TMEM116: variants seen among roughly 807,000 people sequenced by gnomAD.
TMEM116 encodes transmembrane protein 116.
In TMEM116, 38 loss-of-function variants were observed where a neutral mutation model predicts 44.3. That is an observed-to-expected ratio of 0.86 (90% CI 0.66 to 1.12). The LOEUF is 1.12. Ranked by LOEUF, TMEM116 falls within the 50% of genes most tolerant of loss-of-function variation. The pLI, the probability that TMEM116 is intolerant of heterozygous loss-of-function variation, is 0.00. For missense variants in TMEM116, 354 were observed against 401.7 expected (o/e 0.88, Z 1.01); for synonymous variants, 132 against 144.8 (o/e 0.91, Z 0.64).
intron 4 of TMEM116, among the ~76,000 whole-genome samples, chr12:111,988,610 A>T (rs931352590): frequency 6.6e-6 from 1 of 150,898 alleles, no homozygotes; most frequent in Non-Finnish European, 1.5e-5. Context: ...GAGGCAGGGG[A>T]ATCGCTTGAA....
rs147006633 is a variant in TMEM116 at position 111,988,257 on chromosome 12, A to G, written c.210+3501T>C. Among the ~76,000 whole-genome samples, 415 of 152,340 alleles carry G rather than the reference A, an allele frequency of 2.7e-3. 1 individual carries two copies. Among genetic ancestry groups the G allele is most frequent in the Non-Finnish European group, 3.8e-3 (259 of 68,032 alleles). Reference sequence around the variant, plus strand: ...GGAGATGGACTGTGGTTATAGTTGTATAACAAGGTGAATGTTTAATATCAC... The same window carrying G: ...GGAGATGGACTGTGGTTATAGTTGTGTAACAAGGTGAATGTTTAATATCAC... On this transcript the variant is annotated intron_variant, in intron 4 of 10. Coordinates refer to ENST00000552374, the MANE Select transcript of TMEM116 (RefSeq NM_001193531.2).
At position 111,970,613 on chromosome 12, in the gene TMEM116, G is replaced by C. The variant is rs191774131; in HGVS notation, c.210+21145C>G. ...TTTTTTTTTTTTTTTTTGAGACGGAGTCTCGCTCTGTCACCCAGGCTGGAG... is the reference window on the plus strand; with the variant it reads ...TTTTTTTTTTTTTTTTTGAGACGGACTCTCGCTCTGTCACCCAGGCTGGAG... On this transcript the variant is annotated intron_variant, in intron 4 of 10. Transcript: ENST00000552374. 1.8e-3 allele frequency among the ~76,000 whole-genome samples: 268 copies of C among 145,700 alleles called. 2 individuals carry two copies. The highest frequency in any genetic ancestry group is 6.5e-3 in the African/African-American group (255 of 39,060).
At chr12:111,945,340 T>C (rs1221797566) in intron 4 of TMEM116, among the ~76,000 whole-genome samples, 1 of 70,314 alleles carries the variant, frequency 1.4e-5, no homozygotes. Context: ...CTAGACTCCA[T>C]CTCAAAAAAA....
intron 3 of TMEM116, chr12:111,993,234 G>A (rs948480582): frequency 4.6e-6 from 2 of 430,652 alleles, no homozygotes; most frequent in Non-Finnish European, 9.4e-6. Context: ...ACACACTGCG[G>A]TCATTCCCCT....
At chr12:111,999,198 C>G (rs1226253134) in intron 3 of TMEM116, among the ~76,000 whole-genome samples, 1 of 151,674 alleles carries the variant, frequency 6.6e-6, no homozygotes, top group Non-Finnish European at 1.5e-5. Context: ...TAAAAAAAAA[C>G]CCACATATAT....
chr12:111,932,694 C>T (rs750241410), intron 9 of TMEM116, 35 bp from the exon 10 acceptor site: 1 of 1,559,856 alleles, frequency 6.4e-7, no homozygotes, highest in Non-Finnish European at 8.8e-7. Context: ...TTCTTGTCAG[C>T]CCTGACTGTC....
At chr12:111,990,577 A>G (rs1264098427) in intron 4 of TMEM116, among the ~76,000 whole-genome samples, 1 of 152,234 alleles carries the variant, frequency 6.6e-6, no homozygotes, top group Non-Finnish European at 1.5e-5. Context: ...ATTACATATT[A>G]TTAATTTCTT....
intron 4 of TMEM116, chr12:111,978,748 C>A (rs982190395): frequency 2.2e-6 from 1 of 444,514 alleles, no homozygotes; most frequent in Admixed American, 2.4e-5. Flanking sequence ...GACACCAGAT[C>A]TGCTGATTAT....
rs2072190635 is a variant in TMEM116 at position 111,936,712 on chromosome 12, G to T, written c.568C>A (p.Leu190Ile). Residue 190 changes from leucine to isoleucine, a missense_variant, in exon 8 of 11, where the codon CTC (leucine) becomes ATC (isoleucine). By Grantham distance (5) the Leu-to-Ile change is conservative. Transcript: ENST00000552374. ...GIAIFLGSFVLSLLTIMVLLI... is the reference protein window; with the variant it reads ...GIAIFLGSFVISLLTIMVLLI... The stretch of plus-strand genomic sequence containing the variant: ...CATACCATAATGGTAAGGAGGCTGA[G>T]TACAAAGCTGCCCAGGAAAATGGCG... 6.2e-7 allele frequency: 1 copy of T among 1,613,940 alleles called. No individual in the cohort carries two copies.
chr12:111,940,976 T>G (rs758181551), intron 5 of TMEM116, among the ~76,000 whole-genome samples: 6 of 152,232 alleles, frequency 3.9e-5, no homozygotes, highest in Non-Finnish European at 8.8e-5. Flanking sequence ...GGAAAGATAC[T>G]GAATAATTAT....
chr12:111,957,608 G>A (rs868279950), intron 4 of TMEM116, among the ~76,000 whole-genome samples: 5 of 149,744 alleles, frequency 3.3e-5, no homozygotes, highest in African/African-American at 4.9e-5. Flanking sequence ...CAGCCGCCCC[G>A]TCCGGGAGGT....
At chr12:111,957,694 G>A (rs894289853) in intron 4 of TMEM116, among the ~76,000 whole-genome samples, 1 of 151,916 alleles carries the variant, frequency 6.6e-6, no homozygotes, top group South Asian at 2.1e-4. Context: ...CGTCTGGGAG[G>A]TGGGGGGGCC....
chr12:111,960,097 G>A (rs2074465723), intron 4 of TMEM116, among the ~76,000 whole-genome samples: 1 of 152,060 alleles, frequency 6.6e-6, no homozygotes, highest in Non-Finnish European at 1.5e-5. Context: ...CATATAATTG[G>A]AAATAAAACA....
chr12:112,001,835 C>T (rs996153693), intron 3 of TMEM116, among the ~76,000 whole-genome samples: 1 of 152,224 alleles, frequency 6.6e-6, no homozygotes, highest in Non-Finnish European at 1.5e-5. Flanking sequence ...TACACAGTCA[C>T]AATCTACCAC....
chr12:111,940,550 C>CATATATGTGTAT (rs1565874405), intron 5 of TMEM116, among the ~76,000 whole-genome samples: 26 of 127,686 alleles, frequency 2.0e-4, no homozygotes, highest in African/African-American at 7.6e-4. Context: ...TATATACACA[C>CATATATGTGTAT]ACACATATAT....
rs932255223 is a variant in TMEM116 at position 111,963,674 on chromosome 12, G to C, written c.211-20305C>G. ...CACACCAGGGCCTGTCAGGGGGTTG[G>C]GGGCTAGGGGAGGGATAGCATTAGG... is the stretch of plus-strand genomic sequence containing the variant. On this transcript the variant is annotated intron_variant, in intron 4 of 10. Transcript: ENST00000552374. 3.3e-5 allele frequency among the ~76,000 whole-genome samples: 5 copies of C among 152,250 alleles called. No homozygotes were observed. In the South Asian group the frequency reaches 1.0e-3, roughly 32 times the overall value.
Position 111,991,823 on chromosome 12 carries a change from G to C in TMEM116, c.145C>G (p.Leu49Val). Residue 49 changes from leucine (L) to valine (V), a missense_variant, in exon 4 of 11, where the codon CTT becomes GTT. Physicochemically the swap from Leu to Val is conservative, Grantham distance 32. Transcript: ENST00000552374. ...LLGLCWLTETLLYGASVANKD... is the reference protein window; with the variant it reads ...LLGLCWLTETVLYGASVANKD... ...TTTGCTACTGAAGCTCCATAGAGAA[G>C]TGTCTCCGTGAGCCAGCAAAGTCCC... 2 of 1,536,076 alleles carry C rather than the reference G, an allele frequency of 1.3e-6. No individual in the cohort carries two copies. Among genetic ancestry groups the C allele is most frequent in the Non-Finnish European group, 1.7e-6 (2 of 1,146,726 alleles).
intron 9 of TMEM116, among the ~76,000 whole-genome samples, chr12:111,933,441 G>A (rs1411098901): frequency 2.0e-5 from 3 of 151,576 alleles, no homozygotes; most frequent in South Asian, 2.1e-4. Context: ...AATATGGGTA[G>A]GGCCCATACA....
rs1029620242 is a variant in TMEM116, at chr12:112,003,936, G to T, written c.15-73C>A. 11 of 1,409,300 alleles carry T rather than the reference G, an allele frequency of 7.8e-6. No homozygotes were observed. In the Admixed American group the frequency reaches 2.4e-4, roughly 31 times the overall value. 87.3% of individuals were successfully genotyped at this position (1,409,300 alleles called of 1,614,324 possible). A position where few individuals can be genotyped will look rare whatever the true frequency, so the allele number is the denominator to read the frequency against. ...GCCATCGTTTTTGTTATTAATTTTG[G>T]GTTTTTTTTACAGTTTTATTGGCAT... is the stretch of plus-strand genomic sequence containing the variant. On this transcript the variant is annotated intron_variant, in intron 2 of 10. Coordinates refer to ENST00000552374, the MANE Select transcript of TMEM116 (RefSeq NM_001193531.2).
Sources: allele counts gnomAD v4.1 joint callset (sites outside exome capture counted in the v4.1 genomes callset), GRCh38; gene constraint gnomAD v4.1.1; transcripts MANE v1.5; gene names NCBI Gene and HGNC (gene_info 2026-07-23, HGNC 2026-07-21).